The following COQ2 variants were observed in gnomAD, a reference collection of about 807,000 sequenced individuals.
COQ2 encodes the protein 4-hydroxybenzoate polyprenyltransferase, mitochondrial.
In COQ2, 25 loss-of-function variants were observed where a neutral mutation model predicts 35.7. The observed-to-expected ratio is 0.70, with a 90% confidence interval of 0.51 to 0.98. The LOEUF is 0.98. Ranked by LOEUF, COQ2 falls within the 50% of genes least tolerant of loss-of-function variation. The probability of loss-of-function intolerance (pLI) is 0.00; values close to 1 mark genes in which losing one functional copy is unlikely to be tolerated. For missense variants in COQ2, 488 were observed against 473.5 expected (o/e 1.03, Z -0.28); for synonymous variants, 206 against 186.2 (o/e 1.11, Z -0.86).
upstream of COQ2, chr4:83,284,888 C>A: frequency 6.6e-7 from 1 of 1,523,496 alleles, no homozygotes; most frequent in Middle Eastern, 1.7e-4. Context: ...AACCTTTCCT[C>A]ATCCTTACTT....
intron 1 of COQ2, chr4:83,283,649 C>T (rs562717587): frequency 1.0e-5 from 10 of 985,328 alleles, no homozygotes; most frequent in Non-Finnish European, 1.2e-5. Context: ...TCTTTTTCAA[C>T]TAGACCAGAG....
chr4:83,278,541 A>C (rs376708149), intron 2 of COQ2, among the ~76,000 whole-genome samples: 3 of 152,386 alleles, frequency 2.0e-5, no homozygotes, highest in African/African-American at 7.2e-5. Flanking sequence ...GGAAACACTA[A>C]CAAGTGCTGC....
intron 4 of COQ2, 86 bp downstream of exon 4, chr4:83,272,001 T>C: frequency 2.3e-6 from 2 of 865,864 alleles, no homozygotes; most frequent in Non-Finnish European, 3.5e-6. Context: ...TGATTTGTCA[T>C]TTCATCTTTA....
At chr4:83,285,002 A>G (rs1735439168), upstream of COQ2, 21 of 923,304 alleles carry the variant, frequency 2.3e-5, no homozygotes, top group South Asian at 3.2e-4. Flanking sequence ...ATTTAGTTGT[A>G]ATTTTTTACA....
intron 1 of COQ2, chr4:83,281,495 G>A (rs1415376385): frequency 6.6e-6 from 1 of 152,224 alleles, no homozygotes; most frequent in Non-Finnish European, 1.5e-5. Flanking sequence ...GGGAAAGTAA[G>A]AAGACTTCTC....
At chr4:83,272,340 A>G (rs1735070111) in intron 3 of COQ2, among the ~76,000 whole-genome samples, 168 bp from the exon 4 acceptor site, 1 of 152,230 alleles carries the variant, frequency 6.6e-6, no homozygotes, top group Non-Finnish European at 1.5e-5. Flanking sequence ...ATTATAAAGG[A>G]TGAGTAGAAA....
intron 1 of COQ2, chr4:83,283,638 G>A: frequency 1.0e-6 from 1 of 985,390 alleles, no homozygotes; most frequent in South Asian, 4.7e-5. Context: ...TCACCAAATA[G>A]TCTTTTTCAA....
chr4:83,283,936 C>T, intron 1 of COQ2: 1 of 985,448 alleles, frequency 1.0e-6, no homozygotes, highest in Non-Finnish European at 1.2e-6. Context: ...CTGCTGCGTT[C>T]AAATGAATTA....
chr4:83,264,080 T>C lies in COQ2; in HGVS notation c.*119A>G. On this transcript the variant is annotated 3_prime_UTR_variant, in exon 7 of 7. Coordinates refer to ENST00000647002, the MANE Select transcript of COQ2 (RefSeq NM_001358921.2). The stretch of plus-strand genomic sequence containing the variant: ...CAAATAAGTAAAATCCAGGTAAATA[T>C]GCTCTAAATCTTCATCTTCAGGTTC... 1 of 673,624 alleles carries C rather than the reference T, an allele frequency of 1.5e-6. No individual in the cohort carries two copies. The highest frequency in any genetic ancestry group is 2.3e-6 in the Non-Finnish European group (1 of 432,010). 41.7% of individuals were successfully genotyped at this position (673,624 alleles called of 1,614,324 possible).
intron 2 of COQ2, among the ~76,000 whole-genome samples, chr4:83,277,884 G>A (rs1241214414): frequency 6.6e-6 from 1 of 151,732 alleles, no homozygotes; most frequent in Non-Finnish European, 1.5e-5. Context: ...CAGGAGAATC[G>A]CTTGAACCTG....
Position 83,278,969 on chromosome 4 carries a change from C to G in COQ2, c.399G>C (p.Trp133Cys), listed in dbSNP as rs764704171. The change falls in exon 2 of 7, where the codon TGG becomes TGC. Residue 133 changes from tryptophan (W) to cysteine (C), a missense_variant. Coordinates refer to ENST00000647002, the MANE Select transcript of COQ2 (RefSeq NM_001358921.2). ...RGAGCTINDM[W>C]DQDYDKKVTR... ...TTACCTTTTTATCATAGTCCTGGTC[C>G]CACATGTCATTAATAGTACAGCCTG... The G allele has an allele frequency of 1.2e-6, 2 of 1,602,082 alleles. No homozygotes were observed. The highest frequency in any genetic ancestry group is 2.3e-5 in the South Asian group (2 of 88,332).
intron 6 of COQ2, among the ~76,000 whole-genome samples, chr4:83,266,533 T>G (rs767146246): frequency 5.3e-5 from 8 of 152,122 alleles, no homozygotes; most frequent in Non-Finnish European, 1.0e-4. Context: ...AACTTTTATA[T>G]TTTTGGTACA....
At position 83,263,930 on chromosome 4, in the gene COQ2, C is replaced by A; in HGVS notation, c.*269G>T. ...AGGCTTTTTCTAAAGTGCCAAAACCCGTGCAATCCCCATAACTTCAGGTGA... is the reference window on the plus strand; with the variant it reads ...AGGCTTTTTCTAAAGTGCCAAAACCAGTGCAATCCCCATAACTTCAGGTGA... On this transcript the variant is annotated 3_prime_UTR_variant, in exon 7 of 7. Transcript: ENST00000647002. The A allele has an allele frequency of 4.7e-6, 1 of 214,304 alleles. No individual in the cohort carries two copies. The highest frequency in any genetic ancestry group is 9.1e-6 in the Non-Finnish European group (1 of 109,340). 13.3% of individuals were successfully genotyped at this position (214,304 alleles called of 1,614,324 possible). A position where few individuals can be genotyped will look rare whatever the true frequency, so the allele number is the denominator to read the frequency against.
intron 2 of COQ2, 87 bp downstream of exon 2, chr4:83,278,861 G>C (rs1338545300): frequency 9.0e-6 from 12 of 1,332,500 alleles, no homozygotes; most frequent in Non-Finnish European, 1.2e-5. Flanking sequence ...TGATCTTGTT[G>C]CTTTATATGG....
At chr4:83,284,274 C>T in intron 1 of COQ2, 1 of 985,386 alleles carries the variant, frequency 1.0e-6, no homozygotes, top group African/African-American at 1.7e-5. Context: ...ACTGCGTGTC[C>T]TGAGGTGACT....
Position 83,284,546 on chromosome 4 carries a change from C to T in COQ2, c.219G>A (p.Pro73=). 6.4e-7 allele frequency: 1 copy of T among 1,573,966 alleles called. No individual in the cohort carries two copies. Among genetic ancestry groups the T allele is most frequent in the African/African-American group, 1.4e-5 (1 of 73,084 alleles). ...TGTCCAACCGCATGAGGCGCAAGTA[C>T]GGCTGCAGGGGGCGGGGCGCAGAGT... ...VVDSAPRPLQ[P]YLRLMRLDKP... The change falls in exon 1 of 7, where the codon CCG becomes CCA. Residue 73 remains proline, a synonymous_variant. Transcript: ENST00000647002.
At chr4:83,277,743 G>T (rs1735215280) in intron 2 of COQ2, among the ~76,000 whole-genome samples, 1 of 152,210 alleles carries the variant, frequency 6.6e-6, no homozygotes, top group Non-Finnish European at 1.5e-5. Flanking sequence ...GCCGAGGCAG[G>T]TGGATCACCT....
At chr4:83,273,370 G>T in intron 3 of COQ2, 126 bp downstream of exon 3, 1 of 937,356 alleles carries the variant, frequency 1.1e-6, no homozygotes, top group Non-Finnish European at 1.6e-6. Flanking sequence ...ACTTACACTT[G>T]CTAACTTACA....
rs779747173 is a variant in COQ2 at position 83,273,507 on chromosome 4, T to C, written c.531A>G (p.Leu177=). ...AACGTTTAATATACCTGTAGTAATT[T>C]AGACACAGAAGAACACCCAGTGCCA... ...LTLALGVLLC[L]NYYSIALGAG... is the part of the protein sequence containing the mutation. Residue 177 remains leucine, a synonymous_variant, in exon 3 of 7, where the codon CTA becomes CTG. Transcript: ENST00000647002. The C allele has an allele frequency of 5.6e-6, 9 of 1,613,210 alleles. No individual in the cohort carries two copies. The highest frequency in any genetic ancestry group is 1.7e-4 in the Middle Eastern group (1 of 6,058).
Sources: allele counts gnomAD v4.1 joint callset (sites outside exome capture counted in the v4.1 genomes callset), GRCh38; gene constraint gnomAD v4.1.1; transcripts MANE v1.5; gene names NCBI Gene and HGNC (gene_info 2026-07-23, HGNC 2026-07-21).